Variants in MYH7 observed in about 807,000 individuals in gnomAD.
The protein encoded by MYH7 is myosin heavy chain 7.
A neutral mutation model predicts 225.4 loss-of-function variants in MYH7; 129 were observed. The ratio of observed to expected loss-of-function variants is 0.57; its 90% CI spans 0.50 to 0.66. MYH7 has a LOEUF of 0.66. Ranked by LOEUF, MYH7 falls within the 30% of genes least tolerant of loss-of-function variation. MYH7 has a pLI of 0.00. For missense variants in MYH7, 1,649 were observed against 2,517.0 expected (o/e 0.66, Z 7.38); for synonymous variants, 971 against 1,007.6 (o/e 0.96, Z 0.69).
rs199915408 is a variant in MYH7, at chr14:23,424,811, G to A, written c.2637C>T (p.Ser879=). Residue 879 remains serine, a synonymous_variant, in exon 22 of 40, where the codon TCC becomes TCT. Transcript: ENST00000355349. Reference sequence around the variant, plus strand: ...GCAGGTCATTCTTCTCCTGCAGCAGGGACACCATCTTCTCCTCCAGCTCCT... The same window carrying A: ...GCAGGTCATTCTTCTCCTGCAGCAGAGACACCATCTTCTCCTCCAGCTCCT... The part of the protein sequence containing the change: ...RRKELEEKMV[S]LLQEKNDLQL... The A allele has an allele frequency of 1.2e-5, 19 of 1,614,176 alleles. No individual in the cohort carries two copies. The African/African-American group carries it at 2.0e-4, about 17-fold the overall frequency.
At chr14:23,430,059 G>A (rs1892864907) in intron 11 of MYH7, 146 bp from the exon 12 acceptor site, 1 of 968,250 alleles carries the variant, frequency 1.0e-6, no homozygotes, top group Admixed American at 2.0e-5. Flanking sequence ...CCAAAACAAA[G>A]GATGTAAGAT....
Position 23,417,273 on chromosome 14 carries a change from G to T in MYH7, c.4399C>A (p.Leu1467Met). Residue 1467 changes from leucine (L) to methionine (M), a missense_variant, in exon 32 of 40, where the codon CTG (leucine) becomes ATG (methionine). Transcript: ENST00000355349. ...KQKYEESQSE[L>M]ESSQKEARSL... is the part of the protein sequence containing the mutation. ...CGAGCCTCCTTCTGCGAGGACTCCA[G>T]CTCCGACTGCGACTCCTCATACTTC... is the stretch of plus-strand genomic sequence containing the variant. 3 of 1,614,172 alleles carry T rather than the reference G, an allele frequency of 1.9e-6. No individual in the cohort carries two copies. Among genetic ancestry groups the T allele is most frequent in the Non-Finnish European group, 2.5e-6 (3 of 1,180,036 alleles).
At position 23,416,000 on chromosome 14, in the gene MYH7, G is replaced by A. The variant is rs933520031; in HGVS notation, c.4953+4C>T. 1 of 1,614,138 alleles carries A rather than the reference G, an allele frequency of 6.2e-7. No homozygotes were observed. The highest frequency in any genetic ancestry group is 8.5e-7 in the Non-Finnish European group (1 of 1,180,030). On this transcript the variant is annotated splice_donor_region_variant and intron_variant, in intron 34 of 39. Transcript: ENST00000355349. This position sits in a 1 kb window ranked among gnomAD's most constrained non-coding sequence, Gnocchi z 6.3. Reference sequence around the variant, plus strand: ...GTGGAGGCCAGTCCCCTCTGGGTGAGTACCTTCAACAAGCTCTGGAGGCTC... The same window carrying A: ...GTGGAGGCCAGTCCCCTCTGGGTGAATACCTTCAACAAGCTCTGGAGGCTC...
rs1892080169 is a variant in MYH7, at chr14:23,414,008, G to T, written c.5654C>A (p.Ala1885Glu). The T allele has an allele frequency of 6.2e-7, 1 of 1,614,106 alleles. No homozygotes were observed. Among genetic ancestry groups the T allele is most frequent in the Non-Finnish European group, 8.5e-7 (1 of 1,180,030 alleles). Residue 1885 changes from alanine (A) to glutamate (E), a missense_variant and splice_region_variant, in exon 38 of 40, where the codon GCG becomes GAG. This residue lies in a region of MYH7 where 687 missense variants were observed against 913.8 expected (regional missense o/e 0.75). Transcript: ENST00000355349. ...CTAGTCCCCAGCAGGGTCACTCACCGCCTCCTCGGCCTGGCGCTTGTAGGC... is the reference window on the plus strand; with the variant it reads ...CTAGTCCCCAGCAGGGTCACTCACCTCCTCCTCGGCCTGGCGCTTGTAGGC... ...VKAYKRQAEE[A>E]EEQANTNLSK...
intron 6 of MYH7, 76 bp from the exon 7 acceptor site, chr14:23,431,945 C>T (rs1892964054): frequency 1.4e-6 from 2 of 1,471,582 alleles, no homozygotes; most frequent in African/African-American, 1.4e-5. Context: ...GAGAGAATGC[C>T]TGGGCCTACC....
At chr14:23,418,497 A>C in intron 29 of MYH7, 91 bp from the exon 30 acceptor site, 1 of 1,415,850 alleles carries the variant, frequency 7.1e-7, no homozygotes, top group Non-Finnish European at 9.4e-7. Flanking sequence ...TCTCAACATC[A>C]TCCCTTGGCC....
At position 23,413,986 on chromosome 14, in the gene MYH7, G is replaced by A. The variant is rs3729499; in HGVS notation, c.5655+21C>T. ...CTCTCCTATGCCTCCCCTGGGCCTAGTCCCCAGCAGGGTCACTCACCGCCT... is the reference window on the plus strand; with the variant it reads ...CTCTCCTATGCCTCCCCTGGGCCTAATCCCCAGCAGGGTCACTCACCGCCT... On this transcript the variant is annotated intron_variant, in intron 38 of 39. Transcript: ENST00000355349. 1.2e-3 allele frequency: 1,924 copies of A among 1,614,126 alleles called. 29 individuals carry two copies. The East Asian group carries it at 0.032, about 27-fold the overall frequency.
rs763343366 is a variant in MYH7, at chr14:23,417,201, A to T, written c.4471T>A (p.Ser1491Thr). ...TTGAAGGTCTCCAGATGTTCCAGGG[A>T]CTCCTCATAGGCGTTCTTGAGTTTG... ...LFKLKNAYEE[S>T]LEHLETFKRE... The change falls in exon 32 of 40, where the codon TCC becomes ACC. Residue 1491 changes from serine to threonine, a missense_variant. Physicochemically the swap from Ser to Thr is moderately conservative, Grantham distance 58 (BLOSUM62 1). Around this residue, in one of 12 missense-constraint regions of MYH7, gnomAD observed 687 missense variants for 913.8 expected, o/e 0.75. Coordinates refer to ENST00000355349, the MANE Select transcript of MYH7 (RefSeq NM_000257.4). 1 of 1,613,620 alleles carries T rather than the reference A, an allele frequency of 6.2e-7. No individual in the cohort carries two copies. Among genetic ancestry groups the T allele is most frequent in the Admixed American group, 1.7e-5 (1 of 59,992 alleles).
intron 12 of MYH7, among the ~76,000 whole-genome samples, 165 bp from the exon 13 acceptor site, chr14:23,429,512 C>T (rs1365776293): frequency 1.3e-5 from 2 of 151,960 alleles, no homozygotes; most frequent in African/African-American, 4.8e-5. Flanking sequence ...CCCATCTCTA[C>T]TAAAAATACA....
At position 23,425,370 on chromosome 14, in the gene MYH7, C is replaced by T. The variant is rs1427104281; in HGVS notation, c.2335G>A (p.Glu779Lys). The T allele has an allele frequency of 4.3e-6, 7 of 1,614,174 alleles. No individual in the cohort carries two copies. Among genetic ancestry groups the T allele is most frequent in the Non-Finnish European group, 5.9e-6 (7 of 1,180,044 alleles). ...CGCGTGATGATGCGGCTCAGCCTCT[C>T]GTCCCTCATTTCCTCCAGCAGCCCC... ...LLGLLEEMRD[E>K]RLSRIITRIQ... The change falls in exon 21 of 40, where the codon GAG (glutamate) becomes AAG (lysine). Residue 779 changes from glutamate to lysine, a missense_variant. Transcript: ENST00000355349. This position sits in a 1 kb window ranked among gnomAD's most constrained non-coding sequence, Gnocchi z 4.6.
Position 23,425,624 on chromosome 14 carries a change from A to G in MYH7, c.2286+71T>C. On this transcript the variant is annotated intron_variant, in intron 20 of 39. Coordinates refer to ENST00000355349, the MANE Select transcript of MYH7 (RefSeq NM_000257.4). The surrounding 1 kb of genome is among the most constrained non-coding windows in gnomAD (Gnocchi z 4.6). ...AAGAGATTTTGCTAAGATGATTACA[A>G]CAGGAAAAGCATCAGAGGAGTCAAT... 1 of 1,611,356 alleles carries G rather than the reference A, an allele frequency of 6.2e-7. No homozygotes were observed. Among genetic ancestry groups the G allele is most frequent in the Non-Finnish European group, 8.5e-7 (1 of 1,178,464 alleles).
intron 24 of MYH7, among the ~76,000 whole-genome samples, chr14:23,422,976 G>T (rs1280060776): frequency 6.6e-6 from 1 of 152,186 alleles, no homozygotes. Context: ...TGGGCATCAG[G>T]CTCTGTGCTA....
chr14:23,420,263 C>T (rs1024585344), intron 26 of MYH7, 29 bp from the exon 27 acceptor site: 5 of 1,604,390 alleles, frequency 3.1e-6, no homozygotes, highest in Non-Finnish European at 3.4e-6. Context: ...CTCAGACCCA[C>T]CGCCTGGACC....
At chr14:23,429,474 G>C in intron 12 of MYH7, 127 bp from the exon 13 acceptor site, 1 of 989,992 alleles carries the variant, frequency 1.0e-6, no homozygotes. Context: ...TCAGGAGTTT[G>C]AGACCAACCT....
intron 26 of MYH7, 68 bp from the exon 27 acceptor site, chr14:23,420,302 A>G: frequency 6.4e-7 from 1 of 1,571,802 alleles, no homozygotes. Flanking sequence ...CGGCTCTAAA[A>G]GGCTCTCGGC....
At chr14:23,422,355 A>G (rs748472386) in intron 24 of MYH7, 30 bp from the exon 25 acceptor site, 5 of 1,613,966 alleles carry the variant, frequency 3.1e-6, no homozygotes, top group Non-Finnish European at 4.2e-6. Flanking sequence ...AGGCCCAGTG[A>G]GGCAAAGCAT....
At position 23,427,793 on chromosome 14, in the gene MYH7, G is replaced by A. The variant is rs763574368; in HGVS notation, c.1680C>T (p.Ser560=). Residue 560 remains serine, a synonymous_variant, in exon 16 of 40, where the codon TCC becomes TCT. Transcript: ENST00000355349. ...TATTGCGTGGCTTCTGGAAGTTGGC[G>A]GATTTGCCCAGGTGGTTGTCAAACA... ...AKLFDNHLGK[S]ANFQKPRNIK... 20 of 1,614,156 alleles carry A rather than the reference G, an allele frequency of 1.2e-5. No individual in the cohort carries two copies. The highest frequency in any genetic ancestry group is 2.2e-5 in the East Asian group (1 of 44,882).
rs1595091109 is a variant in MYH7 at position 23,433,202 on chromosome 14, A to G, written c.227T>C (p.Val76Ala). 1 of 1,614,024 alleles carries G rather than the reference A, an allele frequency of 6.2e-7. No homozygotes were observed. Among genetic ancestry groups the G allele is most frequent in the Middle Eastern group, 1.6e-4 (1 of 6,062 alleles). ...GAACTTGGGTGGGTTCTGCTGCATCACCTGGTCCTCCTTCACGGTCACTGT... is the reference window on the plus strand; with the variant it reads ...GAACTTGGGTGGGTTCTGCTGCATCGCCTGGTCCTCCTTCACGGTCACTGT... ...GKTVTVKEDQ[V>A]MQQNPPKFDK... Residue 76 changes from valine (V) to alanine (A), a missense_variant, in exon 4 of 40, where the codon GTG becomes GCG. By Grantham distance (64) the Val-to-Ala change is moderately conservative. Transcript: ENST00000355349. This position sits in a 1 kb window ranked among gnomAD's most constrained non-coding sequence, Gnocchi z 4.1.
rs746363271 is a variant in MYH7, at chr14:23,419,474, T to C, written c.3853+9A>G. Reference sequence around the variant, plus strand: ...GGTGGGAACCATGGAGCCCCTGCTCTAGGCTCACCATTCTCGGTTTGCAAC... The same window carrying C: ...GGTGGGAACCATGGAGCCCCTGCTCCAGGCTCACCATTCTCGGTTTGCAAC... On this transcript the variant is annotated intron_variant, in intron 28 of 39. Coordinates refer to ENST00000355349, the MANE Select transcript of MYH7 (RefSeq NM_000257.4). 18 of 1,613,810 alleles carry C rather than the reference T, an allele frequency of 1.1e-5. No individual in the cohort carries two copies. Among genetic ancestry groups the C allele is most frequent in the Admixed American group, 1.7e-5 (1 of 60,000 alleles).
Sources: allele counts gnomAD v4.1 joint callset (sites outside exome capture counted in the v4.1 genomes callset), GRCh38; gene constraint gnomAD v4.1.1; regional missense constraint gnomAD v4.1.1; non-coding constraint Gnocchi (gnomAD v3.1); transcripts MANE v1.5; gene names NCBI Gene and HGNC (gene_info 2026-07-23, HGNC 2026-07-21).